The following GCAT variants were observed in gnomAD, a reference collection of about 807,000 sequenced individuals.
GCAT encodes the protein 2-amino-3-ketobutyrate coenzyme A ligase, mitochondrial.
A neutral mutation model predicts 39.7 loss-of-function variants in GCAT; 26 were observed. The observed-to-expected ratio is 0.65, with a 90% confidence interval of 0.48 to 0.91. The LOEUF (loss-of-function observed/expected upper bound fraction) is 0.91, where lower values mean the gene tolerates loss of function less well. GCAT is among the 40% of genes least tolerant of loss of function. GCAT has a pLI of 0.00. For missense variants in GCAT, 550 were observed against 576.2 expected (o/e 0.95, Z 0.47); for synonymous variants, 218 against 237.2 (o/e 0.92, Z 0.74).
Position 37,816,476 on chromosome 22 carries a change from C to G in GCAT, c.1109-91C>G, listed in dbSNP as rs765086469. 3.0e-5 allele frequency: 46 copies of G among 1,550,788 alleles called. No homozygotes were observed. The South Asian group carries it at 4.9e-4, about 16-fold the overall frequency. ...AACACCCCAAGCCATGAGGCAGTCC[C>G]GAATCTGAGACCTGGGGCAGTTCCC... is the stretch of plus-strand genomic sequence containing the variant. On this transcript the variant is annotated intron_variant, in intron 8 of 8. Transcript: ENST00000248924.
downstream of GCAT, chr22:37,816,953 A>G: frequency 2.0e-6 from 1 of 502,512 alleles, no homozygotes; most frequent in Non-Finnish European, 3.6e-6. Flanking sequence ...CCGGTTGAAG[A>G]ATCAGGCAGG....
In GCAT at chr22:37,816,330, G is replaced by C. The variant is rs150416700; in HGVS notation, c.1108+9G>C. On this transcript the variant is annotated intron_variant, in intron 8 of 8. Transcript: ENST00000248924. ...TGACATGCTGAAGAGAGGTAAGGGT[G>C]CTGAGACAAGGGAACTGGTGGTGGG... The C allele has an allele frequency of 9.3e-6, 15 of 1,608,966 alleles. No homozygotes were observed. The highest frequency in any genetic ancestry group is 1.1e-5 in the Non-Finnish European group (13 of 1,179,762).
intron 3 of GCAT, 181 bp downstream of exon 3, chr22:37,813,169 A>AG (rs1921783635): frequency 4.7e-6 from 3 of 635,828 alleles, no homozygotes; most frequent in Non-Finnish European, 8.5e-6. Context: ...TGGGGCTTGC[A>AG]GGGAGCCTGA....
chr22:37,813,295 C>T (rs765428447), intron 3 of GCAT, 168 bp from the exon 4 acceptor site: 130 of 759,640 alleles, frequency 1.7e-4, no homozygotes, highest in Non-Finnish European at 2.7e-4. Flanking sequence ...GCTGGTCCAG[C>T]CCGGCACTGA....
chr22:37,816,143 G>A, intron 7 of GCAT, 57 bp from the exon 8 acceptor site: 2 of 1,590,064 alleles, frequency 1.3e-6, no homozygotes, highest in Non-Finnish European at 1.7e-6. Context: ...TCCCTGCAAG[G>A]AGCGGGTGTG....
rs376539000 is a variant in GCAT, at chr22:37,816,283, G to C, written c.1070G>C (p.Arg357Pro). 1.2e-6 allele frequency: 2 copies of C among 1,612,912 alleles called. No homozygotes were observed. The highest frequency in any genetic ancestry group is 3.3e-5 in the Admixed American group (2 of 60,004). The part of the protein sequence containing the change: ...PICPVMLGDA[R>P]LASRMADDML... ...TGCCCTGTGATGCTGGGTGATGCCC[G>C]GCTGGCCTCTCGCATGGCGGATGAC... Residue 357 changes from arginine (R) to proline (P), a missense_variant, in exon 8 of 9, where the codon CGG (arginine) becomes CCG (proline). By Grantham distance (103) the Arg-to-Pro change is moderately radical. Transcript: ENST00000248924.
intron 7 of GCAT, 178 bp from the exon 8 acceptor site, chr22:37,816,022 A>C: frequency 2.3e-6 from 1 of 443,572 alleles, no homozygotes; most frequent in Non-Finnish European, 3.0e-6. Context: ...CTGTCTTTCC[A>C]CCTCCCTTGT....
At chr22:37,808,827 C>T (rs1029448279) in intron 1 of GCAT, among the ~76,000 whole-genome samples, 7 of 152,220 alleles carry the variant, frequency 4.6e-5, no homozygotes, top group African/African-American at 9.6e-5. Flanking sequence ...GCTGGGACTA[C>T]AGGCACGTGC....
Position 37,809,869 on chromosome 22 carries a change from C to CG in GCAT, c.197-157dup. 4 of 888,970 alleles carry CG rather than the reference C, an allele frequency of 4.5e-6. No individual in the cohort carries two copies. The East Asian group carries it at 1.1e-4, about 23-fold the overall frequency. 55.1% of individuals were successfully genotyped at this position (888,970 alleles called of 1,614,324 possible). A position where few individuals can be genotyped will look rare whatever the true frequency, so the allele number is the denominator to read the frequency against. On this transcript the variant is annotated intron_variant, in intron 1 of 8. Coordinates refer to ENST00000248924, the MANE Select transcript of GCAT (RefSeq NM_014291.4). ...TGCTCTTCAAGATGTGTAGCACTGA[C>CG]GCTCCTTCTGTAGCTGTTGAATTTG...
At chr22:37,813,101 TC>T in intron 3 of GCAT, 113 bp downstream of exon 3, 1 of 783,990 alleles carries the variant, frequency 1.3e-6, no homozygotes, top group Non-Finnish European at 2.2e-6. Flanking sequence ...GCCTAGAGGC[TC>T]CAGAGCCCGC....
chr22:37,815,364 A>T, intron 5 of GCAT, 54 bp from the exon 6 acceptor site: 1 of 1,597,900 alleles, frequency 6.3e-7, no homozygotes, highest in Non-Finnish European at 8.6e-7. Context: ...AGCATGATCC[A>T]TAATCCCTGG....
chr22:37,813,440 C>T (rs759037953), intron 3 of GCAT, 23 bp from the exon 4 acceptor site: 2 of 1,575,646 alleles, frequency 1.3e-6, no homozygotes, highest in Non-Finnish European at 1.7e-6. Flanking sequence ...AATGATGGCT[C>T]TACGCTCACT....
chr22:37,810,960 G>A (rs1921522350), intron 2 of GCAT, among the ~76,000 whole-genome samples: 1 of 152,096 alleles, frequency 6.6e-6, no homozygotes, highest in African/African-American at 2.4e-5. Context: ...CTGCAAAACA[G>A]AGTCCCTCAC....
At chr22:37,812,368 C>T (rs1921696360) in intron 2 of GCAT, among the ~76,000 whole-genome samples, 1 of 152,016 alleles carries the variant, frequency 6.6e-6, no homozygotes, top group Non-Finnish European at 1.5e-5. Context: ...AGAGTCTGTG[C>T]TCCTGACTAC....
intron 4 of GCAT, among the ~76,000 whole-genome samples, chr22:37,814,297 C>G (rs1010945473): frequency 6.6e-6 from 1 of 151,998 alleles, no homozygotes; most frequent in African/African-American, 2.4e-5. Context: ...GAATTTCACT[C>G]TTTTTGCCCA....
At position 37,816,394 on chromosome 22, in the gene GCAT, C is replaced by A. The variant is rs557468517; in HGVS notation, c.1108+73C>A. On this transcript the variant is annotated intron_variant, in intron 8 of 8. Coordinates refer to ENST00000248924, the MANE Select transcript of GCAT (RefSeq NM_014291.4). ...GAAAGGGAAACCCCTAGACTGTGAC[C>A]CAGCCCCGTACCCAGCCACGCTGCG... 2.1e-5 allele frequency: 33 copies of A among 1,571,322 alleles called. No homozygotes were observed. The African/African-American group carries it at 2.8e-4, about 13-fold the overall frequency.
rs750530656 is a variant in GCAT, at chr22:37,815,680, C to T, written c.832C>T (p.Pro278Ser). 2 of 1,611,768 alleles carry T rather than the reference C, an allele frequency of 1.2e-6. No individual in the cohort carries two copies. The highest frequency in any genetic ancestry group is 1.7e-5 in the Admixed American group (1 of 60,002). ...CTTCTCAGGGGGCTACACGACAGGG[C>T]CTGGGCCCCTGGTGTCCCTGCTGCG... ...GGASGGYTTG[P>S]GPLVSLLRQR... Residue 278 changes from proline to serine, a missense_variant, in exon 7 of 9, where the codon CCT becomes TCT. Pro to Ser is a moderately conservative substitution (Grantham distance 74). Coordinates refer to ENST00000248924, the MANE Select transcript of GCAT (RefSeq NM_014291.4).
Position 37,810,057 on chromosome 22 carries a change from T to C in GCAT, c.227T>C (p.Leu76Pro), listed in dbSNP as rs373873992. The C allele has an allele frequency of 5.0e-6, 8 of 1,614,062 alleles. No homozygotes were observed. The highest frequency in any genetic ancestry group is 6.8e-6 in the Non-Finnish European group (8 of 1,179,890). Residue 76 changes from leucine (L) to proline (P), a missense_variant, in exon 2 of 9, where the codon CTG (leucine) becomes CCG (proline). Transcript: ENST00000248924. ...GILNFCANNY[L>P]GLSSHPEVIQ... ...CTTAACTTCTGTGCCAACAACTACC[T>C]GGGCCTGAGCAGCCACCCTGAGGTG...
chr22:37,815,674 A>T lies in GCAT; in HGVS notation c.826A>T (p.Thr276Ser). ...ALGGASGGYTTGPGPLVSLLR... is the reference protein window; with the variant it reads ...ALGGASGGYTSGPGPLVSLLR... The stretch of plus-strand genomic sequence containing the variant: ...TCCCTTCTTCTCAGGGGGCTACACG[A>T]CAGGGCCTGGGCCCCTGGTGTCCCT... Residue 276 changes from threonine (T) to serine (S), a missense_variant, in exon 7 of 9, where the codon ACA (threonine) becomes TCA (serine). Thr to Ser is a moderately conservative substitution (Grantham distance 58). Around this residue, in one of 3 missense-constraint regions of GCAT, gnomAD observed 378 missense variants for 390.4 expected, o/e 0.97. Transcript: ENST00000248924. 1 of 1,611,202 alleles carries T rather than the reference A, an allele frequency of 6.2e-7. No individual in the cohort carries two copies. Among genetic ancestry groups the T allele is most frequent in the South Asian group, 1.1e-5 (1 of 91,000 alleles).
Sources: gnomAD v4.1 joint callset for allele counts (sites outside exome capture counted in the v4.1 genomes callset) on GRCh38, gnomAD v4.1.1 for gene constraint, gnomAD v4.1.1 regional missense constraint, MANE v1.5 for transcripts, NCBI Gene and HGNC (gene_info 2026-07-23, HGNC 2026-07-21) for gene names.